SMIM36: variants seen among roughly 807,000 people sequenced by gnomAD.
The protein encoded by SMIM36 is small integral membrane protein 36.
intron 4 of SMIM36, among the ~76,000 whole-genome samples, chr17:55,466,299 A>G (rs920292411): frequency 2.7e-5 from 4 of 150,830 alleles, no homozygotes; most frequent in African/African-American, 7.4e-5. Context: ...AAAAAAAAAA[A>G]AAAGAAAGTG....
chr17:55,471,599 C>T (rs1909342417), intron 3 of SMIM36, among the ~76,000 whole-genome samples: 1 of 152,202 alleles, frequency 6.6e-6, no homozygotes, highest in African/African-American at 2.4e-5. Flanking sequence ...AACCAAACCA[C>T]TTTACAAGCT....
At chr17:55,451,163 G>A (rs1908909226) in intron 4 of SMIM36, among the ~76,000 whole-genome samples, 1 of 152,192 alleles carries the variant, frequency 6.6e-6, no homozygotes. Flanking sequence ...GGGATTACAG[G>A]TGTGAGCCAC....
intron 3 of SMIM36, among the ~76,000 whole-genome samples, chr17:55,474,824 T>C (rs541228167): frequency 1.2e-3 from 187 of 152,280 alleles, no homozygotes; most frequent in Non-Finnish European, 2.4e-3. Flanking sequence ...AGGAACTATG[T>C]TGAAAAATTT....
the SMIM36 span, among the ~76,000 whole-genome samples, chr17:55,524,469 T>G: frequency 6.6e-6 from 1 of 152,174 alleles, no homozygotes; most frequent in Admixed American, 6.6e-5. Context: ...ATGGTATTTG[T>G]TTTTTAGCTC....
chr17:55,493,707 G>A (rs953364752), intron 1 of SMIM36, among the ~76,000 whole-genome samples: 1 of 151,450 alleles, frequency 6.6e-6, no homozygotes, highest in African/African-American at 2.4e-5. Flanking sequence ...CTACTTAGGA[G>A]GCTGAGGTGG....
chr17:55,479,462 G>C (rs1217277698), exon 2 of SMIM36: 1 of 152,186 alleles, frequency 6.6e-6, no homozygotes, highest in African/African-American at 2.4e-5. Flanking sequence ...GTACATGCCT[G>C]TAATCCCAGC....
intron 4 of SMIM36, among the ~76,000 whole-genome samples, chr17:55,450,877 A>G (rs1163448847): frequency 6.6e-6 from 1 of 152,168 alleles, no homozygotes; most frequent in Non-Finnish European, 1.5e-5. Context: ...TCTCTGCTTA[A>G]AGATCCATAG....
the SMIM36 span, among the ~76,000 whole-genome samples, chr17:55,521,169 T>C: frequency 3.3e-5 from 5 of 152,128 alleles, no homozygotes; most frequent in Non-Finnish European, 7.4e-5. Flanking sequence ...TCAGAATGTA[T>C]GAAAGAAAAG....
intron 1 of SMIM36, among the ~76,000 whole-genome samples, chr17:55,502,347 G>C (rs1297598784): frequency 9.4e-6 from 1 of 106,678 alleles, no homozygotes; most frequent in East Asian, 2.7e-4. Flanking sequence ...GAAGGGAGCA[G>C]TGGTTCTCCC....
chr17:55,500,842 T>C (rs1909905817), intron 1 of SMIM36, among the ~76,000 whole-genome samples: 1 of 30,094 alleles, frequency 3.3e-5, no homozygotes, highest in Non-Finnish European at 4.4e-5. Context: ...TATATTATAA[T>C]ATATTATATT....
the SMIM36 span, among the ~76,000 whole-genome samples, chr17:55,530,485 AG>A: frequency 6.6e-6 from 1 of 152,156 alleles, no homozygotes; most frequent in African/African-American, 2.4e-5. Context: ...CCCCAGACGC[AG>A]TTAAAAATGC....
intron 4 of SMIM36, among the ~76,000 whole-genome samples, chr17:55,457,919 A>C (rs187999117): frequency 6.6e-6 from 1 of 152,344 alleles, no homozygotes; most frequent in Admixed American, 6.5e-5. Flanking sequence ...TATGTCATTA[A>C]TCCAAAGGAT....
At chr17:55,472,793 G>A (rs1022779085) in intron 3 of SMIM36, among the ~76,000 whole-genome samples, 3 of 151,252 alleles carry the variant, frequency 2.0e-5, no homozygotes, top group Non-Finnish European at 4.4e-5. Flanking sequence ...GCTTGAAACC[G>A]GGAGGCGGAG....
At chr17:55,517,600 A>G in the SMIM36 span, among the ~76,000 whole-genome samples, 1 of 152,210 alleles carries the variant, frequency 6.6e-6, no homozygotes, top group African/African-American at 2.4e-5. Flanking sequence ...GCCTGATTGA[A>G]AAGACTTCAT....
chr17:55,458,626 C>G (rs746963751), intron 4 of SMIM36, among the ~76,000 whole-genome samples: 3 of 147,074 alleles, frequency 2.0e-5, no homozygotes, highest in Non-Finnish European at 4.5e-5. Context: ...TCAAAAGGAG[C>G]ACGTCGGCTG....
chr17:55,517,626 G>A, the SMIM36 span, among the ~76,000 whole-genome samples: 2 of 152,274 alleles, frequency 1.3e-5, no homozygotes, highest in Admixed American at 6.5e-5. Context: ...TTATTACCAA[G>A]GTCACAGAGT....
chr17:55,499,189 C>T (rs549788827), intron 1 of SMIM36, among the ~76,000 whole-genome samples: 1 of 152,148 alleles, frequency 6.6e-6, no homozygotes, highest in South Asian at 2.1e-4. Flanking sequence ...TATTTTTCCT[C>T]TGATAGGGCA....
At chr17:55,488,768 T>A (rs1909651466) in intron 1 of SMIM36, among the ~76,000 whole-genome samples, 1 of 152,198 alleles carries the variant, frequency 6.6e-6, no homozygotes, top group African/African-American at 2.4e-5. Context: ...TAGAGGACAT[T>A]TTTGCAAGTG....
At chr17:55,472,601 G>T (rs1167834690) in intron 3 of SMIM36, among the ~76,000 whole-genome samples, 2 of 152,170 alleles carry the variant, frequency 1.3e-5, no homozygotes, top group African/African-American at 2.4e-5. Flanking sequence ...GGCCGGGCTT[G>T]GTGGCTCACG....
Sources: gnomAD v4.1 joint callset for allele counts (sites outside exome capture counted in the v4.1 genomes callset) on GRCh38, gnomAD v4.1.1 for gene constraint, MANE v1.5 for transcripts, NCBI Gene and HGNC (gene_info 2026-07-23, HGNC 2026-07-21) for gene names.